Variants in PDE1C observed in about 807,000 individuals in gnomAD.
PDE1C encodes dual specificity calcium/calmodulin-dependent 3',5'-cyclic nucleotide phosphodiesterase 1C.
A neutral mutation model predicts 93.1 loss-of-function variants in PDE1C; 62 were observed. The ratio of observed to expected loss-of-function variants is 0.67; its 90% CI spans 0.54 to 0.82. PDE1C has a LOEUF of 0.82. Ranked by LOEUF, PDE1C falls within the 40% of genes least tolerant of loss-of-function variation. The pLI, the probability that PDE1C is intolerant of heterozygous loss-of-function variation, is 0.00. For missense variants in PDE1C, 742 were observed against 884.6 expected (o/e 0.84, Z 2.04); for synonymous variants, 325 against 310.1 (o/e 1.05, Z -0.50).
At position 32,384,178 on chromosome 7, in the gene PDE1C, G is replaced by C. The variant is rs142033752; in HGVS notation, c.310+43644C>G. 2.0e-4 allele frequency among the ~76,000 whole-genome samples: 30 copies of C among 152,182 alleles called. No individual in the cohort carries two copies. In the East Asian group the frequency reaches 4.4e-3, roughly 23 times the overall value. On this transcript the variant is annotated intron_variant, in intron 1 of 1. Coordinates refer to the PDE1C transcript ENST00000672256. ...ACAAGCTTGTACTGAGTGTCATTTT[G>C]TGGCAAGATAATGCTAGGTTTTAAA...
intron 14 of PDE1C, among the ~76,000 whole-genome samples, chr7:31,821,955 G>A (rs1345956867): frequency 6.6e-6 from 1 of 152,076 alleles, no homozygotes; most frequent in African/African-American, 2.4e-5. Flanking sequence ...GTAAAAATGT[G>A]AGATGTTGTG....
chr7:31,819,563 G>A lies in PDE1C; in HGVS notation c.1583-3409C>T, dbSNP rs150039608. Among the ~76,000 whole-genome samples, 276 of 152,144 alleles carry A rather than the reference G, an allele frequency of 1.8e-3. 1 individual carries two copies. The highest frequency in any genetic ancestry group is 5.8e-3 in the African/African-American group (240 of 41,514). ...ATTTCTGTTTCCTTTGGCTTCCCAT[G>A]TCAGACTGTCTGTGGTGTTGGGACT... On this transcript the variant is annotated intron_variant, in intron 14 of 17. Coordinates refer to ENST00000396191, the MANE Select transcript of PDE1C (RefSeq NM_001191057.4).
intron 7 of PDE1C, among the ~76,000 whole-genome samples, chr7:31,851,261 C>T (rs534711972): frequency 4.6e-5 from 7 of 152,272 alleles, no homozygotes; most frequent in Middle Eastern, 6.8e-3. Context: ...AGGACTTCTC[C>T]CCATCCACAC....
chr7:31,642,624 A>C, the PDE1C span: 1 of 1,486,324 alleles, frequency 6.7e-7, no homozygotes, highest in Middle Eastern at 1.8e-4. Context: ...TCTCACCTTA[A>C]ACCTATTGCC....
chr7:32,389,324 C>A (rs930090167), intron 1 of PDE1C, among the ~76,000 whole-genome samples: 2 of 152,150 alleles, frequency 1.3e-5, no homozygotes, highest in African/African-American at 4.8e-5. Flanking sequence ...TCAAGTGATT[C>A]TCCTGCCTCA....
At chr7:32,194,903 T>G (rs1165596852) in intron 2 of PDE1C, among the ~76,000 whole-genome samples, 2 of 152,196 alleles carry the variant, frequency 1.3e-5, no homozygotes, top group African/African-American at 4.8e-5. Flanking sequence ...AGAATTCCAC[T>G]TTACCTATTG....
intron 11 of PDE1C, among the ~76,000 whole-genome samples, chr7:31,836,160 G>A (rs757599019): frequency 2.0e-5 from 3 of 152,044 alleles, no homozygotes; most frequent in Non-Finnish European, 2.9e-5. Flanking sequence ...TCTCAGGCCC[G>A]CATGTCTGGA....
At chr7:32,383,825 C>T (rs1784577124) in intron 1 of PDE1C, among the ~76,000 whole-genome samples, 1 of 152,216 alleles carries the variant, frequency 6.6e-6, no homozygotes, top group African/African-American at 2.4e-5. Context: ...GGGTTGACCC[C>T]TTTGGAGTCC....
At chr7:32,095,521 G>T (rs1797704749) in intron 3 of PDE1C, among the ~76,000 whole-genome samples, 1 of 152,168 alleles carries the variant, frequency 6.6e-6, no homozygotes, top group East Asian at 1.9e-4. Flanking sequence ...TATATGGGTT[G>T]GCCAGAATCA....
chr7:32,172,085 A>G (rs1802690425), intron 2 of PDE1C, among the ~76,000 whole-genome samples: 1 of 151,778 alleles, frequency 6.6e-6, no homozygotes, highest in African/African-American at 2.4e-5. Flanking sequence ...ATAATTAATT[A>G]AATAACTATT....
intron 1 of PDE1C, among the ~76,000 whole-genome samples, chr7:32,308,856 A>T (rs961061569): frequency 6.6e-6 from 1 of 151,910 alleles, no homozygotes; most frequent in Admixed American, 6.6e-5. Context: ...CCTCCTCCAA[A>T]GGAACACAGT....
intron 3 of PDE1C, among the ~76,000 whole-genome samples, chr7:32,128,045 A>C (rs1799687698): frequency 1.3e-5 from 2 of 151,952 alleles, no homozygotes; most frequent in Admixed American, 1.3e-4. Context: ...ATGGATTAGA[A>C]TTGAAGAAAG....
rs115314074 is a variant in PDE1C at position 31,951,388 on chromosome 7, G to A, written c.129-70528C>T. On this transcript the variant is annotated intron_variant, in intron 2 of 17. Coordinates refer to ENST00000396191, the MANE Select transcript of PDE1C (RefSeq NM_001191057.4). ...GTTCCAAACCTATCACGGCATGCCT[G>A]GTAGTTCAGCCACTGGCTCCTGGCT... 9.1e-3 allele frequency among the ~76,000 whole-genome samples: 1,392 copies of A among 152,328 alleles called. 16 individuals carry two copies. The highest frequency in any genetic ancestry group is 0.029 in the African/African-American group (1,212 of 41,580).
At chr7:31,822,981 G>A (rs1001587167) in intron 14 of PDE1C, 92 bp downstream of exon 14, 4 of 1,044,702 alleles carry the variant, frequency 3.8e-6, no homozygotes, top group African/African-American at 1.6e-5. Context: ...TCTGCATCCT[G>A]AGCAACTGTG....
Position 32,341,529 on chromosome 7 carries a change from C to A in PDE1C, c.310+86293G>T, listed in dbSNP as rs528003302. 9.2e-5 allele frequency among the ~76,000 whole-genome samples: 14 copies of A among 152,136 alleles called. 1 individual carries two copies. In the South Asian group the frequency reaches 2.9e-3, roughly 32 times the overall value. ...GTGTGGAGCACAGATGAAACAGGGG[C>A]AACCTGGAGAGAAAGAGCCCAAACA... On this transcript the variant is annotated intron_variant, in intron 1 of 1. Transcript: ENST00000672256.
intron 6 of PDE1C, among the ~76,000 whole-genome samples, chr7:31,872,294 G>A (rs1796042093): frequency 1.3e-5 from 2 of 151,974 alleles, no homozygotes; most frequent in Admixed American, 6.6e-5. Flanking sequence ...TTAGATAGAA[G>A]GATTAAAGTC....
intron 16 of PDE1C, among the ~76,000 whole-genome samples, chr7:31,803,282 T>C (rs914516858): frequency 2.7e-4 from 41 of 151,848 alleles, no homozygotes; most frequent in South Asian, 2.1e-4. Flanking sequence ...AGATCTTCCA[T>C]GTGTCTACTT....
the PDE1C span, among the ~76,000 whole-genome samples, chr7:31,742,218 A>T: frequency 1.3e-5 from 2 of 152,216 alleles, no homozygotes; most frequent in Non-Finnish European, 2.9e-5. Context: ...GTCCCATCGG[A>T]CTTCCACTTG....
chr7:31,988,282 C>T (rs1280801631), intron 2 of PDE1C, among the ~76,000 whole-genome samples: 1 of 152,194 alleles, frequency 6.6e-6, no homozygotes, highest in Non-Finnish European at 1.5e-5. Flanking sequence ...AGAGCACCTT[C>T]ATCAATAGCC....
Sources: gnomAD v4.1 joint callset for allele counts (sites outside exome capture counted in the v4.1 genomes callset) on GRCh38, gnomAD v4.1.1 for gene constraint, MANE v1.5 for transcripts, NCBI Gene and HGNC (gene_info 2026-07-23, HGNC 2026-07-21) for gene names.